Variants in ABHD6 observed in about 807,000 individuals in gnomAD.
ABHD6 encodes the protein abhydrolase domain containing 6, acylglycerol lipase.
Under a neutral mutation model 38.8 loss-of-function variants are expected in ABHD6, and 33 were observed. The ratio of observed to expected loss-of-function variants is 0.85; its 90% CI spans 0.64 to 1.14. ABHD6 has a LOEUF of 1.14. Ranked by LOEUF, ABHD6 falls within the 50% of genes most tolerant of loss-of-function variation. The probability of loss-of-function intolerance (pLI) is 0.00; values close to 1 mark genes in which losing one functional copy is unlikely to be tolerated. For missense variants in ABHD6, 380 were observed against 422.6 expected (o/e 0.90, Z 0.88); for synonymous variants, 147 against 161.6 (o/e 0.91, Z 0.69).
Position 58,259,199 on chromosome 3 carries a change from G to A in ABHD6, c.119+2494G>A, listed in dbSNP as rs1032074706. On this transcript the variant is annotated intron_variant, in intron 3 of 9. Transcript: ENST00000478253. This position sits in a 1 kb window ranked among gnomAD's most constrained non-coding sequence, Gnocchi z 4.7. ...AGGTTAATTCCACCCACCTCATGTG[G>A]AAACTAGCCTCAATGCTGCATAGTC... Among the ~76,000 whole-genome samples, 16 of 152,226 alleles carry A rather than the reference G, an allele frequency of 1.1e-4. No homozygotes were observed. Among genetic ancestry groups the A allele is most frequent in the African/African-American group, 2.9e-4 (12 of 41,460 alleles).
intron 5 of ABHD6, among the ~76,000 whole-genome samples, chr3:58,270,435 A>G (rs2097444000): frequency 6.7e-6 from 1 of 149,794 alleles, no homozygotes. Context: ...AAAGCAGAAA[A>G]TGTTTACTCT....
At position 58,293,225 on chromosome 3, in the gene ABHD6, T is replaced by C. The variant is rs957976803; in HGVS notation, c.838-364T>C. ...CACATCCGTGAATGCTCCTCCCCTG[T>C]CCCCTTTCTGCTCTCCCGGGACTCA... On this transcript the variant is annotated intron_variant, in intron 9 of 9. Transcript: ENST00000478253. This position sits in a 1 kb window ranked among gnomAD's most constrained non-coding sequence, Gnocchi z 4.4. Among the ~76,000 whole-genome samples the C allele has an allele frequency of 2.6e-5, 4 of 152,104 alleles. No homozygotes were observed. Among genetic ancestry groups the C allele is most frequent in the Non-Finnish European group, 5.9e-5 (4 of 68,000 alleles).
rs140882191 is a variant in ABHD6 at position 58,239,620 on chromosome 3, G to A, written c.-91+1704G>A. 7.9e-5 allele frequency among the ~76,000 whole-genome samples: 12 copies of A among 152,138 alleles called. No individual in the cohort carries two copies. The East Asian group carries it at 2.3e-3, about 29-fold the overall frequency. On this transcript the variant is annotated intron_variant, in intron 1 of 9. Coordinates refer to ENST00000478253, the MANE Select transcript of ABHD6 (RefSeq NM_001320126.2). ...AGTTAGAGACAGAAGTGCCCTTCTGGTTTTTTTAGCTTTTAAAATGTGTGA... is the reference window on the plus strand; with the variant it reads ...AGTTAGAGACAGAAGTGCCCTTCTGATTTTTTTAGCTTTTAAAATGTGTGA...
At chr3:58,245,163 CT>C (rs998724860) in intron 1 of ABHD6, among the ~76,000 whole-genome samples, 2 of 151,500 alleles carry the variant, frequency 1.3e-5, no homozygotes, top group Non-Finnish European at 1.5e-5. Context: ...ACTTCACCTC[CT>C]TTTTTTTTGT....
At position 58,256,312 on chromosome 3, in the gene ABHD6, T is replaced by G. The variant is rs2097433286; in HGVS notation, c.-25-250T>G. Reference sequence around the variant, plus strand: ...TCTAATACCCAGCCCTTACTCAGATTTTCACATTTGTCCCAACTATGTCCT... The same window carrying G: ...TCTAATACCCAGCCCTTACTCAGATGTTCACATTTGTCCCAACTATGTCCT... On this transcript the variant is annotated intron_variant, in intron 2 of 9. Coordinates refer to ENST00000478253, the MANE Select transcript of ABHD6 (RefSeq NM_001320126.2). The surrounding 1 kb of genome is among the most constrained non-coding windows in gnomAD (Gnocchi z 4.3). Among the ~76,000 whole-genome samples, 2 of 150,790 alleles carry G rather than the reference T, an allele frequency of 1.3e-5. No individual in the cohort carries two copies. Among genetic ancestry groups the G allele is most frequent in the Admixed American group, 1.3e-4 (2 of 15,006 alleles).
At chr3:58,292,581 A>G (rs1359136519) in intron 9 of ABHD6, among the ~76,000 whole-genome samples, 1 of 152,108 alleles carries the variant, frequency 6.6e-6, no homozygotes, top group East Asian at 1.9e-4. Flanking sequence ...CAGAGGTTAG[A>G]GCCAAGAAAC....
intron 1 of ABHD6, among the ~76,000 whole-genome samples, chr3:58,245,810 GAAGA>G (rs948573401): frequency 2.9e-5 from 3 of 103,432 alleles, no homozygotes; most frequent in Admixed American, 2.1e-4. Flanking sequence ...GAAGGAGAGA[GAAGA>G]AAGAAAGAAA....
intron 7 of ABHD6, among the ~76,000 whole-genome samples, chr3:58,277,738 C>T (rs2097449794): frequency 1.3e-5 from 2 of 152,196 alleles, no homozygotes; most frequent in Admixed American, 1.3e-4. Flanking sequence ...ATGATATTGG[C>T]TGTGGGTTTG....
At chr3:58,240,207 A>T (rs1377760385) in intron 1 of ABHD6, among the ~76,000 whole-genome samples, 1 of 152,032 alleles carries the variant, frequency 6.6e-6, no homozygotes, top group Non-Finnish European at 1.5e-5. Flanking sequence ...GCTAGCTAAG[A>T]TTGGAAATCA....
intron 7 of ABHD6, among the ~76,000 whole-genome samples, chr3:58,277,058 G>C (rs1032809946): frequency 6.6e-6 from 1 of 152,128 alleles, no homozygotes; most frequent in Non-Finnish European, 1.5e-5. Flanking sequence ...GGTGCTTCCA[G>C]CTTTGTTCTT....
At chr3:58,271,723 A>G (rs1405718163) in intron 6 of ABHD6, among the ~76,000 whole-genome samples, 1 of 149,272 alleles carries the variant, frequency 6.7e-6, no homozygotes, top group Non-Finnish European at 1.5e-5. Context: ...TATATAATAG[A>G]TAAAAATCAT....
chr3:58,252,237 T>G (rs924523089), intron 2 of ABHD6, among the ~76,000 whole-genome samples: 2 of 142,174 alleles, frequency 1.4e-5, no homozygotes, highest in Non-Finnish European at 3.0e-5. Context: ...TTGTTTTTTT[T>G]TTTTTTTTTT....
At chr3:58,255,967 C>A (rs1230253139) in intron 2 of ABHD6, among the ~76,000 whole-genome samples, 3 of 151,912 alleles carry the variant, frequency 2.0e-5, no homozygotes, top group African/African-American at 7.3e-5. Context: ...TTAAATACTG[C>A]AAGCCTACAG....
chr3:58,278,233 G>T (rs954028574), intron 7 of ABHD6, among the ~76,000 whole-genome samples: 1 of 152,110 alleles, frequency 6.6e-6, no homozygotes, highest in African/African-American at 2.4e-5. Context: ...TCTGGTCCTG[G>T]ACTTTTTTTG....
At chr3:58,254,206 C>A (rs1169557732) in intron 2 of ABHD6, among the ~76,000 whole-genome samples, 1 of 152,170 alleles carries the variant, frequency 6.6e-6, no homozygotes, top group Non-Finnish European at 1.5e-5. Context: ...CTCTCAGAGC[C>A]TCAATTTCCT....
chr3:58,276,287 G>A (rs945375822), intron 7 of ABHD6, among the ~76,000 whole-genome samples: 1 of 152,146 alleles, frequency 6.6e-6, no homozygotes, highest in Non-Finnish European at 1.5e-5. Context: ...GTTGTTTCCT[G>A]ACTTTTTAAT....
In ABHD6 at chr3:58,259,506, C is replaced by T. The variant is rs1340050885; in HGVS notation, c.119+2801C>T. Among the ~76,000 whole-genome samples, 1 of 152,048 alleles carries T rather than the reference C, an allele frequency of 6.6e-6. No individual in the cohort carries two copies. Among genetic ancestry groups the T allele is most frequent in the Non-Finnish European group, 1.5e-5 (1 of 68,002 alleles). On this transcript the variant is annotated intron_variant, in intron 3 of 9. Coordinates refer to ENST00000478253, the MANE Select transcript of ABHD6 (RefSeq NM_001320126.2). The surrounding 1 kb of genome is among the most constrained non-coding windows in gnomAD (Gnocchi z 4.7). The stretch of plus-strand genomic sequence containing the variant: ...ACCAGCCTGGCCAACATGGCGAAAC[C>T]CCGTCTCTACTAAAAATACAAAAAA...
Position 58,269,453 on chromosome 3 carries a change from C to G in ABHD6, c.390+19C>G, listed in dbSNP as rs2097443260. 2 of 1,581,768 alleles carry G rather than the reference C, an allele frequency of 1.3e-6. No individual in the cohort carries two copies. Among genetic ancestry groups the G allele is most frequent in the East Asian group, 2.2e-5 (1 of 44,644 alleles). On this transcript the variant is annotated intron_variant, in intron 5 of 9. Transcript: ENST00000478253. This position sits in a 1 kb window ranked among gnomAD's most constrained non-coding sequence, Gnocchi z 4.4. ...ACACCAGGTAAGCAGGAGGCTCTACCAAAGATTGCCCAGACTGTCTCAGCC... is the reference window on the plus strand; with the variant it reads ...ACACCAGGTAAGCAGGAGGCTCTACGAAAGATTGCCCAGACTGTCTCAGCC...
Position 58,256,754 on chromosome 3 carries a change from A to G in ABHD6, c.119+49A>G, listed in dbSNP as rs1440635095. On this transcript the variant is annotated intron_variant, in intron 3 of 9. Coordinates refer to ENST00000478253, the MANE Select transcript of ABHD6 (RefSeq NM_001320126.2). This position sits in a 1 kb window ranked among gnomAD's most constrained non-coding sequence, Gnocchi z 4.3. ...TTTTCAAGAGTATCATAATATTGAC[A>G]TCTTCTCTGCTTGTCCTTTTTGTGG... 18 of 1,379,162 alleles carry G rather than the reference A, an allele frequency of 1.3e-5. No individual in the cohort carries two copies. Among genetic ancestry groups the G allele is most frequent in the Non-Finnish European group, 1.5e-5 (15 of 975,258 alleles). The allele number at this position is 1,379,162 out of a possible 1,614,324, so 85.4% of individuals were successfully genotyped here.
Sources: allele counts gnomAD v4.1 joint callset (sites outside exome capture counted in the v4.1 genomes callset), GRCh38; gene constraint gnomAD v4.1.1; non-coding constraint Gnocchi (gnomAD v3.1); transcripts MANE v1.5; gene names NCBI Gene and HGNC (gene_info 2026-07-23, HGNC 2026-07-21).